CLEC2A: variants seen among roughly 807,000 people sequenced by gnomAD.
The protein encoded by CLEC2A is C-type lectin domain family 2 member A.
In CLEC2A, 19 loss-of-function variants were observed where a neutral mutation model predicts 18.6. That is an observed-to-expected ratio of 1.02 (90% CI 0.71 to 1.50). The LOEUF (loss-of-function observed/expected upper bound fraction) is 1.50. Ranked by LOEUF, CLEC2A falls within the 40% of genes most tolerant of loss-of-function variation. CLEC2A has a pLI of 0.00. For synonymous variants in CLEC2A, 74 were observed against 64.0 expected (o/e 1.16, Z -0.75); for missense variants, 190 against 207.9 (o/e 0.91, Z 0.53).
intron 1 of CLEC2A, among the ~76,000 whole-genome samples, chr12:9,927,396 A>C (rs1863292532): frequency 6.6e-6 from 1 of 152,218 alleles, no homozygotes; most frequent in Non-Finnish European, 1.5e-5. Flanking sequence ...GCAATCTGTC[A>C]TTGACCAAAA....
At chr12:9,910,938 C>A (rs1286634412), downstream of CLEC2A, among the ~76,000 whole-genome samples, 1 of 152,168 alleles carries the variant, frequency 6.6e-6, no homozygotes, top group African/African-American at 2.4e-5. Context: ...CTCTGTGCTG[C>A]AAAGAAGAAC....
chr12:9,888,054 CAAA>C, the CLEC2A span, among the ~76,000 whole-genome samples: 110 of 65,486 alleles, frequency 1.7e-3, no homozygotes, highest in Non-Finnish European at 2.1e-3. Context: ...GACCCTGTGT[CAAA>C]AAAAAAAAAA....
chr12:9,891,715 G>T, the CLEC2A span, among the ~76,000 whole-genome samples: 124,869 of 152,088 alleles, frequency 0.82, 51,472 homozygotes, highest in African/African-American at 0.9. Context: ...ACTCTTGCCC[G>T]GATACAGCAT....
chr12:9,895,134 T>C (rs911865750), downstream of CLEC2A, among the ~76,000 whole-genome samples: 1 of 152,248 alleles, frequency 6.6e-6, no homozygotes, highest in African/African-American at 2.4e-5. Flanking sequence ...TAGGTTTTAC[T>C]TTGACTTAAA....
chr12:9,932,201 C>A, intron 1 of CLEC2A, 74 bp downstream of exon 1: 2 of 1,063,398 alleles, frequency 1.9e-6, no homozygotes, highest in Non-Finnish European at 2.8e-6. Context: ...AGTAAAGAGT[C>A]CATATTTTTA....
downstream of CLEC2A, chr12:9,895,781 G>T (rs1862749770): frequency 3.9e-6 from 6 of 1,535,672 alleles, no homozygotes; most frequent in Admixed American, 7.9e-5. Flanking sequence ...ACATTTAAGG[G>T]CATTTGCCAG....
intron 4 of CLEC2A, among the ~76,000 whole-genome samples, chr12:9,901,125 G>A (rs777842419): frequency 6.6e-6 from 1 of 152,140 alleles, no homozygotes. Flanking sequence ...GGTTAAAAAG[G>A]TTGCTTCAGC....
At chr12:9,922,031 C>T (rs902147047) in intron 3 of CLEC2A, 35 bp downstream of exon 3, 1 of 1,465,988 alleles carries the variant, frequency 6.8e-7, no homozygotes, top group African/African-American at 1.4e-5. Context: ...TACAAACAAT[C>T]TCTGAAATTA....
intron 4 of CLEC2A, among the ~76,000 whole-genome samples, chr12:9,914,317 C>A (rs958124138): frequency 6.6e-6 from 1 of 152,060 alleles, no homozygotes; most frequent in Non-Finnish European, 1.5e-5. Flanking sequence ...AATGCAATAC[C>A]CATCAAACTA....
At chr12:9,905,661 C>A (rs1418006550) in intron 4 of CLEC2A, among the ~76,000 whole-genome samples, 1 of 152,122 alleles carries the variant, frequency 6.6e-6, no homozygotes, top group Non-Finnish European at 1.5e-5. Flanking sequence ...CTGGTTCATT[C>A]TTTCTACTCT....
At chr12:9,928,883 A>G (rs1018079867) in intron 1 of CLEC2A, among the ~76,000 whole-genome samples, 3 of 152,204 alleles carry the variant, frequency 2.0e-5, no homozygotes, top group African/African-American at 7.2e-5. Flanking sequence ...AAACACATAC[A>G]CAACTGGTTG....
rs770759 is a variant in CLEC2A at position 9,923,623 on chromosome 12, A to T, written c.140-1391T>A. Among the ~76,000 whole-genome samples the T allele has an allele frequency of 3.9e-3, 594 of 152,094 alleles. 10 individuals are homozygous for T. The highest frequency in any genetic ancestry group is 0.013 in the African/African-American group (556 of 41,450). ...AAATCATGCTGCTATAAAGACACAT[A>T]CACACGTATGTTTATTGTGGCACTA... On this transcript the variant is annotated intron_variant, in intron 2 of 4. Transcript: ENST00000455827.
chr12:9,889,044 ACC>A, the CLEC2A span, among the ~76,000 whole-genome samples: 1 of 152,158 alleles, frequency 6.6e-6, no homozygotes, highest in Non-Finnish European at 1.5e-5. Context: ...TTCCTGCCAT[ACC>A]TAACTTGCCA....
chr12:9,905,783 T>G lies in CLEC2A; in HGVS notation c.411-6807A>C, dbSNP rs541736271. On this transcript the variant is annotated intron_variant, in intron 4 of 4. Transcript: ENST00000339766. Reference sequence around the variant, plus strand: ...AGTCCCATTATCTGACTCAACATTTTCTATTAATCCAAGCTTAGGTATAAT... The same window carrying G: ...AGTCCCATTATCTGACTCAACATTTGCTATTAATCCAAGCTTAGGTATAAT... Among the ~76,000 whole-genome samples, 4 of 152,352 alleles carry G rather than the reference T, an allele frequency of 2.6e-5. No individual in the cohort carries two copies. In the East Asian group the frequency reaches 5.8e-4, roughly 22 times the overall value.
chr12:9,923,911 C>T (rs1401445132), intron 2 of CLEC2A, among the ~76,000 whole-genome samples: 1 of 151,714 alleles, frequency 6.6e-6, no homozygotes, highest in African/African-American at 2.4e-5. Context: ...GGGAATATCA[C>T]ACATTGGGGT....
intron 4 of CLEC2A, among the ~76,000 whole-genome samples, chr12:9,905,181 G>C (rs1044608786): frequency 6.6e-6 from 1 of 152,168 alleles, no homozygotes; most frequent in East Asian, 1.9e-4. Flanking sequence ...GTAGGATAAC[G>C]GCCCATTTTT....
chr12:9,922,756 T>G (rs760319746), intron 2 of CLEC2A, among the ~76,000 whole-genome samples: 1 of 152,222 alleles, frequency 6.6e-6, no homozygotes, highest in African/African-American at 2.4e-5. Context: ...GCACATTGTT[T>G]GGAGATTTAC....
chr12:9,911,729 G>T (rs535308669), downstream of CLEC2A, among the ~76,000 whole-genome samples: 18 of 152,192 alleles, frequency 1.2e-4, no homozygotes, highest in African/African-American at 4.3e-4. Flanking sequence ...AGCTCTTTTT[G>T]TAAACATCAC....
intron 4 of CLEC2A, among the ~76,000 whole-genome samples, chr12:9,901,071 T>A (rs1368267020): frequency 6.6e-6 from 1 of 152,192 alleles, no homozygotes; most frequent in African/African-American, 2.4e-5. Context: ...AAAATAATGT[T>A]GACTCTGCAA....
Sources: allele counts gnomAD v4.1 joint callset (sites outside exome capture counted in the v4.1 genomes callset), GRCh38; gene constraint gnomAD v4.1.1; transcripts MANE v1.5; gene names NCBI Gene and HGNC (gene_info 2026-07-23, HGNC 2026-07-21).